The following RORA variants were observed in gnomAD, a reference collection of about 807,000 sequenced individuals.
RORA encodes RAR related orphan receptor A, also known as nuclear receptor ROR-alpha.
A neutral mutation model predicts 69.5 loss-of-function variants in RORA; 7 were observed. That is an observed-to-expected ratio of 0.10 (90% CI 0.06 to 0.19). The LOEUF (loss-of-function observed/expected upper bound fraction) is 0.19. Among genes scored for constraint, RORA ranks in the 10% least tolerant of loss-of-function variants. The pLI is 1.00. For synonymous variants in RORA, 261 were observed against 240.8 expected (o/e 1.08, Z -0.78); for missense variants, 457 against 663.0 (o/e 0.69, Z 3.41).
rs58966097 is a variant in RORA at position 60,572,507 on chromosome 15, GA to G, written c.197-40657del. ...ATCCGGCTTTTACCATTGGTAGCAA[GA>G]AAAAAAAAAGAGGGGCTTTTTAGTC... On this transcript the variant is annotated intron_variant, in intron 2 of 10. Coordinates refer to ENST00000335670, the MANE Select transcript of RORA (RefSeq NM_134261.3). Among the ~76,000 whole-genome samples the G allele has an allele frequency of 7.0e-4, 103 of 146,968 alleles. 1 individual carries two copies. In the East Asian group the frequency reaches 0.015, roughly 21 times the overall value.
intron 2 of RORA, among the ~76,000 whole-genome samples, chr15:60,629,077 C>T (rs1281415293): frequency 6.6e-6 from 1 of 152,042 alleles, no homozygotes; most frequent in Non-Finnish European, 1.5e-5. Flanking sequence ...TAAATGTGAC[C>T]TCTGCAGACC....
At chr15:61,000,510 G>C (rs1477780877) in intron 1 of RORA, among the ~76,000 whole-genome samples, 3 of 152,180 alleles carry the variant, frequency 2.0e-5, no homozygotes, top group Non-Finnish European at 4.4e-5. Flanking sequence ...CTTGTCCAGG[G>C]AGCATGCCTG....
chr15:60,658,123 C>T (rs1363763772), intron 2 of RORA, among the ~76,000 whole-genome samples: 1 of 151,742 alleles, frequency 6.6e-6, no homozygotes, highest in Non-Finnish European at 1.5e-5. Context: ...CTCTGTTGTC[C>T]AGGCTGGAGT....
At chr15:60,933,114 C>T (rs1215481345) in intron 1 of RORA, among the ~76,000 whole-genome samples, 1 of 152,128 alleles carries the variant, frequency 6.6e-6, no homozygotes, top group Non-Finnish European at 1.5e-5. Context: ...TACTGTGGGC[C>T]TCAAGTATTA....
chr15:61,183,361 C>G (rs1023341398), intron 1 of RORA, among the ~76,000 whole-genome samples: 6 of 152,110 alleles, frequency 3.9e-5, no homozygotes, highest in Admixed American at 2.0e-4. Flanking sequence ...ATGGTGAAAC[C>G]CCATCCCTAC....
chr15:61,212,961 G>C (rs1395883875), intron 1 of RORA, among the ~76,000 whole-genome samples: 1 of 152,182 alleles, frequency 6.6e-6, no homozygotes, highest in Non-Finnish European at 1.5e-5. Context: ...CTAAGTGCCA[G>C]ATACTTGCTA....
intron 1 of RORA, among the ~76,000 whole-genome samples, chr15:61,013,644 G>A (rs1408528629): frequency 6.6e-6 from 1 of 151,962 alleles, no homozygotes; most frequent in Non-Finnish European, 1.5e-5. Context: ...GTTGTTGGGT[G>A]GGGTATTTTT....
chr15:60,852,453 T>C (rs955528190), intron 1 of RORA, among the ~76,000 whole-genome samples: 30 of 152,242 alleles, frequency 2.0e-4, no homozygotes, highest in Admixed American at 5.9e-4. Flanking sequence ...AACTCCTAAG[T>C]TGCAGGTTTG....
intron 1 of RORA, among the ~76,000 whole-genome samples, chr15:61,138,782 TG>T (rs1349521351): frequency 6.6e-6 from 1 of 152,010 alleles, no homozygotes; most frequent in Non-Finnish European, 1.5e-5. Flanking sequence ...CTGCAAATGC[TG>T]GCCTAAACAG....
chr15:61,020,865 C>A (rs1475478522), intron 1 of RORA, among the ~76,000 whole-genome samples: 1 of 152,190 alleles, frequency 6.6e-6, no homozygotes, highest in East Asian at 1.9e-4. Flanking sequence ...TGGTAACAGA[C>A]CTTTGTGCTG....
intron 1 of RORA, among the ~76,000 whole-genome samples, chr15:60,770,316 C>A (rs2072055126): frequency 6.6e-6 from 1 of 151,890 alleles, no homozygotes; most frequent in Non-Finnish European, 1.5e-5. Context: ...GTCTGATCTC[C>A]TTTTGTGTTT....
intron 1 of RORA, among the ~76,000 whole-genome samples, chr15:60,998,698 C>T (rs1447435204): frequency 1.4e-5 from 2 of 138,744 alleles, no homozygotes; most frequent in Admixed American, 1.5e-4. Flanking sequence ...CGCACCCACC[C>T]CACCATGTAT....
chr15:60,784,765 C>T (rs2072312648), intron 1 of RORA, among the ~76,000 whole-genome samples: 2 of 152,192 alleles, frequency 1.3e-5, no homozygotes, highest in South Asian at 4.1e-4. Flanking sequence ...AATTTCTTTT[C>T]TTTAAAGTAG....
intron 1 of RORA, chr15:60,736,928 C>T (rs925196831): frequency 6.6e-6 from 1 of 152,200 alleles, no homozygotes; most frequent in Non-Finnish European, 1.5e-5. Context: ...TTCCCAATGC[C>T]TCGAAGACAG....
chr15:60,706,033 C>T (rs552118924), intron 1 of RORA, among the ~76,000 whole-genome samples: 20 of 152,222 alleles, frequency 1.3e-4, no homozygotes, highest in South Asian at 2.1e-4. Flanking sequence ...ATAGAAAGCA[C>T]GGTAAAAAGG....
intron 1 of RORA, among the ~76,000 whole-genome samples, chr15:61,103,435 G>A (rs764574851): frequency 3.3e-5 from 5 of 152,160 alleles, no homozygotes; most frequent in East Asian, 1.9e-4. Context: ...AATAATCCAT[G>A]GGGTTAAGAA....
chr15:60,928,295 T>C (rs1453139924), intron 1 of RORA, among the ~76,000 whole-genome samples: 1 of 152,238 alleles, frequency 6.6e-6, no homozygotes, highest in African/African-American at 2.4e-5. Context: ...TTCATGTTCC[T>C]TTATTGTCAA....
At chr15:60,701,414 G>A (rs980402711) in intron 1 of RORA, among the ~76,000 whole-genome samples, 3 of 152,186 alleles carry the variant, frequency 2.0e-5, no homozygotes, top group Non-Finnish European at 2.9e-5. Context: ...GTTTATGGAG[G>A]AAGTGAGTCA....
chr15:61,011,489 G>GA (rs915045472), intron 1 of RORA, among the ~76,000 whole-genome samples: 6 of 151,902 alleles, frequency 3.9e-5, no homozygotes, highest in Non-Finnish European at 8.8e-5. Flanking sequence ...TAGTTGGCTT[G>GA]AAAAAACAAA....
Sources: gnomAD v4.1 joint callset for allele counts (sites outside exome capture counted in the v4.1 genomes callset) on GRCh38, gnomAD v4.1.1 for gene constraint, MANE v1.5 for transcripts, NCBI Gene and HGNC (gene_info 2026-07-23, HGNC 2026-07-21) for gene names.